FSD1: variants seen among roughly 807,000 people sequenced by gnomAD.
The protein encoded by FSD1 is fibronectin type III and SPRY domain containing 1, also known as fibronectin type III and SPRY domain-containing protein 1.
In FSD1, 23 loss-of-function variants were observed where a neutral mutation model predicts 58.2. The observed-to-expected ratio is 0.40, with a 90% CI of 0.28 to 0.56. The LOEUF is 0.56. FSD1 is among the 20% of genes least tolerant of loss of function. The pLI, the probability that FSD1 is intolerant of heterozygous loss-of-function variation, is 0.54. For missense variants in FSD1, 563 were observed against 670.8 expected (o/e 0.84, Z 1.78); for synonymous variants, 265 against 263.4 (o/e 1.01, Z -0.06).
chr19:4,311,659 G>T, intron 6 of FSD1, 183 bp from the exon 7 acceptor site: 1 of 579,332 alleles, frequency 1.7e-6, no homozygotes, highest in Non-Finnish European at 3.1e-6. Flanking sequence ...ACTCCAGCCT[G>T]GGTGACAAGA....
intron 10 of FSD1, among the ~76,000 whole-genome samples, chr19:4,320,175 G>C (rs1246819280): frequency 6.6e-6 from 1 of 152,062 alleles, no homozygotes; most frequent in Admixed American, 6.6e-5. Context: ...CTCAGCAGTA[G>C]CTGAGGCCTG....
intron 4 of FSD1, 81 bp downstream of exon 4, chr19:4,308,064 T>G: frequency 9.0e-7 from 1 of 1,108,762 alleles, no homozygotes; most frequent in Non-Finnish European, 1.3e-6. Flanking sequence ...ACATTTTTAG[T>G]GTAAGTATAG....
chr19:4,322,582 G>A (rs1197411968), intron 10 of FSD1, among the ~76,000 whole-genome samples: 1 of 151,078 alleles, frequency 6.6e-6, no homozygotes, highest in Non-Finnish European at 1.5e-5. Flanking sequence ...GGCCCAAGGA[G>A]TATCTGGAGG....
In FSD1 at chr19:4,323,462, G is replaced by A. The variant is rs766774678; in HGVS notation, c.1380+26G>A. 25 of 1,606,270 alleles carry A rather than the reference G, an allele frequency of 1.6e-5. No individual in the cohort carries two copies. Among genetic ancestry groups the A allele is most frequent in the Non-Finnish European group, 2.0e-5 (23 of 1,173,926 alleles). On this transcript the variant is annotated intron_variant, in intron 12 of 12. Coordinates refer to ENST00000221856, the MANE Select transcript of FSD1 (RefSeq NM_024333.3). This position sits in a 1 kb window ranked among gnomAD's most constrained non-coding sequence, Gnocchi z 7.7. ...GTGAGCTGCCCTCCGCGGCCCAGGG[G>A]GAGGAGAGGGTGGTGCTGGGCGCTG...
intron 1 of FSD1, 117 bp downstream of exon 1, chr19:4,304,878 G>A: frequency 4.1e-6 from 2 of 493,146 alleles, no homozygotes; most frequent in Non-Finnish European, 6.2e-6. Context: ...CTCTGCGGCT[G>A]AGGCCCCACC....
chr19:4,322,954 C>A, intron 10 of FSD1, 32 bp from the exon 11 acceptor site: 1 of 1,589,608 alleles, frequency 6.3e-7, no homozygotes, highest in Admixed American at 1.7e-5. Context: ...CTATCCAGTT[C>A]CCCTGCCCAC....
intron 6 of FSD1, chr19:4,311,277 A>G (rs1374497964): frequency 6.3e-6 from 1 of 157,994 alleles, no homozygotes; most frequent in South Asian, 1.9e-4. Context: ...TCTATGATGC[A>G]GCCCCAAAGA....
intron 10 of FSD1, among the ~76,000 whole-genome samples, chr19:4,321,286 GAATAGCTGGGACTGAGGAGTATCTGTGGA>G (rs1971814642): frequency 2.2e-5 from 3 of 137,566 alleles, no homozygotes; most frequent in Admixed American, 1.5e-4. Context: ...ATCTGGAGGG[GAATAGCTGGGACTGAGGAGTATCTGTGGA>G]AATAGCTGGG....
chr19:4,311,879 G>C lies in FSD1; in HGVS notation c.528G>C (p.Leu176=). 1 of 1,614,168 alleles carries C rather than the reference G, an allele frequency of 6.2e-7. No homozygotes were observed. The highest frequency in any genetic ancestry group is 1.1e-5 in the South Asian group (1 of 91,076). ...CCGTGATCGACCTGGCTGAGTCCCTGGTGGCAGATAACTGTGTGACCCTGG... is the reference window on the plus strand; with the variant it reads ...CCGTGATCGACCTGGCTGAGTCCCTCGTGGCAGATAACTGTGTGACCCTGG... ...SAPVIDLAES[L]VADNCVTLVW... Residue 176 remains leucine (L), a synonymous_variant, in exon 7 of 13, where the codon CTG becomes CTC. Coordinates refer to ENST00000221856, the MANE Select transcript of FSD1 (RefSeq NM_024333.3).
chr19:4,323,104 G>T lies in FSD1; in HGVS notation c.1158G>T (p.Lys386Asn), dbSNP rs1265788109. 1.2e-6 allele frequency: 2 copies of T among 1,608,692 alleles called. No individual in the cohort carries two copies. The highest frequency in any genetic ancestry group is 1.7e-6 in the Non-Finnish European group (2 of 1,179,780). Residue 386 changes from lysine (K) to asparagine (N), a missense_variant, in exon 11 of 13, where the codon AAG (lysine) becomes AAT (asparagine). Lys to Asn is a moderately conservative substitution (Grantham distance 94). Coordinates refer to ENST00000221856, the MANE Select transcript of FSD1 (RefSeq NM_024333.3). This position sits in a 1 kb window ranked among gnomAD's most constrained non-coding sequence, Gnocchi z 7.7. The stretch of plus-strand genomic sequence containing the variant: ...TGGGCCGCTTCGAGCAACTGGGCAA[G>T]ACGGCCGCCTCCTGGTGCCTGCACG... ...RSLGRFEQLG[K>N]TAASWCLHVN... is the part of the protein sequence containing the mutation.
chr19:4,307,747 A>C (rs1485855353), intron 3 of FSD1, 135 bp from the exon 4 acceptor site: 1 of 616,744 alleles, frequency 1.6e-6, no homozygotes, highest in Non-Finnish European at 2.8e-6. Context: ...GGGGCGCTCA[A>C]GGCTCCAATC....
At chr19:4,322,872 G>A in intron 10 of FSD1, 114 bp from the exon 11 acceptor site, 1 of 1,293,488 alleles carries the variant, frequency 7.7e-7, no homozygotes, top group South Asian at 1.4e-5. Context: ...GAGTGTCTCT[G>A]CAGGGAGCAG....
chr19:4,314,665 T>C lies in FSD1; in HGVS notation c.701-2517T>C, dbSNP rs181142980. 9.8e-5 allele frequency among the ~76,000 whole-genome samples: 15 copies of C among 152,316 alleles called. No individual in the cohort carries two copies. In the East Asian group the frequency reaches 2.3e-3, roughly 24 times the overall value. On this transcript the variant is annotated intron_variant, in intron 7 of 12. Transcript: ENST00000221856. ...CCATGCCTGGCTAATTTTTGTATTT[T>C]TAGTAGAGATGGGGTTTCTCCATGT...
chr19:4,319,004 G>T (rs941567530), intron 10 of FSD1, 53 bp downstream of exon 10: 1 of 1,408,520 alleles, frequency 7.1e-7, no homozygotes, highest in Non-Finnish European at 1.0e-6. Context: ...GGGGCCTAAT[G>T]GTGGGGGTTG....
At position 4,304,701 on chromosome 19, in the gene FSD1, G is replaced by C; in HGVS notation, c.-46G>C. ...GGCAAAGGCAGCTTGGGGACCCAGC[G>C]TGCGCGGGGCCCGCGGGCCGGGCCG... is the stretch of plus-strand genomic sequence containing the variant. On this transcript the variant is annotated 5_prime_UTR_variant, in exon 1 of 13. Transcript: ENST00000221856. The C allele has an allele frequency of 8.2e-7, 1 of 1,214,488 alleles. No homozygotes were observed. The highest frequency in any genetic ancestry group is 1.0e-6 in the Non-Finnish European group (1 of 972,530). 75.2% of individuals were successfully genotyped at this position (1,214,488 alleles called of 1,614,324 possible).
intron 3 of FSD1, among the ~76,000 whole-genome samples, chr19:4,307,512 T>C (rs1971635511): frequency 6.6e-6 from 1 of 151,794 alleles, no homozygotes; most frequent in Non-Finnish European, 1.5e-5. Context: ...GGATTAGAGG[T>C]GCCCACCACC....
At chr19:4,315,588 G>A (rs1175915493) in intron 7 of FSD1, among the ~76,000 whole-genome samples, 1 of 148,130 alleles carries the variant, frequency 6.8e-6, no homozygotes, top group Non-Finnish European at 1.5e-5. Context: ...GATTACAGGC[G>A]TGAGCCACCG....
chr19:4,306,371 C>T, intron 3 of FSD1, 42 bp downstream of exon 3: 2 of 1,608,884 alleles, frequency 1.2e-6, no homozygotes, highest in Non-Finnish European at 1.7e-6. Context: ...GCCCCTCCTA[C>T]TCAACAGAAC....
chr19:4,319,441 G>A (rs753179185), intron 10 of FSD1, among the ~76,000 whole-genome samples: 2 of 152,180 alleles, frequency 1.3e-5, no homozygotes, highest in African/African-American at 2.4e-5. Flanking sequence ...CTGTGAAGAA[G>A]AAGCTGGAGT....
Sources: allele counts gnomAD v4.1 joint callset (sites outside exome capture counted in the v4.1 genomes callset), GRCh38; gene constraint gnomAD v4.1.1; non-coding constraint Gnocchi (gnomAD v3.1); transcripts MANE v1.5; gene names NCBI Gene and HGNC (gene_info 2026-07-23, HGNC 2026-07-21).